Variants in SESTD1 observed in about 807,000 individuals in gnomAD.
SESTD1 encodes SEC14 domain and spectrin repeat-containing protein 1.
Under a neutral mutation model 101.7 loss-of-function variants are expected in SESTD1, and 43 were observed. That is an observed-to-expected ratio of 0.42 (90% CI 0.33 to 0.55). The LOEUF is 0.55. SESTD1 is among the 20% of genes least tolerant of loss of function. SESTD1 has a pLI of 0.07. For synonymous variants in SESTD1, 283 were observed against 286.8 expected, an observed-to-expected ratio of 0.99 and a Z score of 0.13; for missense variants, 647 against 815.1, an observed-to-expected ratio of 0.79 and a Z score of 2.51.
intron 9 of SESTD1, among the ~76,000 whole-genome samples, chr2:179,135,665 A>G (rs1280243150): frequency 6.6e-6 from 1 of 152,168 alleles, no homozygotes; most frequent in Non-Finnish European, 1.5e-5. Context: ...AGATTGGAGA[A>G]TCGTTTGAGC....
intron 1 of SESTD1, among the ~76,000 whole-genome samples, chr2:179,252,612 G>C (rs1289066009): frequency 6.6e-6 from 1 of 152,126 alleles, no homozygotes; most frequent in Non-Finnish European, 1.5e-5. Context: ...TGCTTGTCTT[G>C]CACTTCGAGG....
chr2:179,111,460 C>A (rs2044504388), intron 17 of SESTD1, among the ~76,000 whole-genome samples: 1 of 152,076 alleles, frequency 6.6e-6, no homozygotes, highest in Non-Finnish European at 1.5e-5. Context: ...TGTTACATGG[C>A]AGTTTTTAGA....
chr2:179,264,006 G>A (rs1328992312), intron 1 of SESTD1: 2 of 152,282 alleles, frequency 1.3e-5, no homozygotes, highest in Non-Finnish European at 1.5e-5. Flanking sequence ...GTCACACAAA[G>A]GAGCCAGTCG....
chr2:179,182,911 C>T (rs2046140779), intron 3 of SESTD1, among the ~76,000 whole-genome samples, 169 bp downstream of exon 3: 1 of 151,720 alleles, frequency 6.6e-6, no homozygotes, highest in Middle Eastern at 3.4e-3. Flanking sequence ...ATAAAATAAG[C>T]ATTTTATCTG....
chr2:179,120,227 CA>C (rs143045410), intron 13 of SESTD1, among the ~76,000 whole-genome samples: 6 of 144,106 alleles, frequency 4.2e-5, no homozygotes, highest in East Asian at 2.0e-4. Context: ...GACTCTGTTT[CA>C]AAAAAAAAAG....
chr2:179,229,626 G>A (rs564129136), intron 1 of SESTD1, among the ~76,000 whole-genome samples: 17 of 151,454 alleles, frequency 1.1e-4, no homozygotes, highest in Admixed American at 2.6e-4. Flanking sequence ...AAACAAGGAC[G>A]GCGGTAAAAA....
intron 9 of SESTD1, among the ~76,000 whole-genome samples, chr2:179,137,420 A>C (rs2045170840): frequency 1.3e-5 from 2 of 152,234 alleles, no homozygotes; most frequent in South Asian, 4.1e-4. Context: ...TACAGCCTCC[A>C]GCTGTATGCT....
chr2:179,124,055 A>G (rs1424525495), intron 11 of SESTD1, among the ~76,000 whole-genome samples: 1 of 152,178 alleles, frequency 6.6e-6, no homozygotes, highest in Non-Finnish European at 1.5e-5. Context: ...GCAGAATGCA[A>G]AAAAGTATTG....
intron 2 of SESTD1, among the ~76,000 whole-genome samples, chr2:179,184,847 T>C (rs1028194458): frequency 5.6e-4 from 71 of 126,548 alleles, no homozygotes; most frequent in African/African-American, 1.5e-3. Flanking sequence ...AAATTTAACA[T>C]TCAGGGCTAT....
chr2:179,161,595 G>A (rs943335946), intron 5 of SESTD1, among the ~76,000 whole-genome samples: 1 of 151,508 alleles, frequency 6.6e-6, no homozygotes, highest in African/African-American at 2.4e-5. Context: ...CCGGGAGGTG[G>A]AGGTTGCAGG....
intron 1 of SESTD1, among the ~76,000 whole-genome samples, chr2:179,221,648 T>C (rs888407601): frequency 6.8e-6 from 1 of 147,762 alleles, no homozygotes; most frequent in Non-Finnish European, 1.5e-5. Context: ...CCAGGCATGG[T>C]GGCTCATGCC....
intron 10 of SESTD1, among the ~76,000 whole-genome samples, chr2:179,130,703 G>T (rs1169000941): frequency 2.0e-5 from 3 of 151,900 alleles, no homozygotes; most frequent in Non-Finnish European, 4.4e-5. Context: ...AGAACTTTTG[G>T]AATACTTTCA....
intron 13 of SESTD1, among the ~76,000 whole-genome samples, chr2:179,120,992 G>GGAA (rs1393755816): frequency 2.0e-5 from 3 of 152,160 alleles, no homozygotes; most frequent in Non-Finnish European, 2.9e-5. Flanking sequence ...GAGCCTAAAT[G>GGAA]GAAGCTCAGC....
chr2:179,233,146 A>G (rs961047022), intron 1 of SESTD1, among the ~76,000 whole-genome samples: 12 of 152,234 alleles, frequency 7.9e-5, no homozygotes, highest in African/African-American at 2.9e-4. Context: ...AGGAAGACCT[A>G]ACCACCAAAG....
intron 9 of SESTD1, 34 bp from the exon 10 acceptor site, chr2:179,132,460 G>A: frequency 6.5e-7 from 1 of 1,536,788 alleles, no homozygotes; most frequent in Non-Finnish European, 8.7e-7. Context: ...ATTTTTTAAA[G>A]AATCAGAAAC....
chr2:179,263,675 C>G (rs1395572100), intron 1 of SESTD1, among the ~76,000 whole-genome samples: 2 of 152,180 alleles, frequency 1.3e-5, no homozygotes, highest in African/African-American at 4.8e-5. Flanking sequence ...ACCAAGAAAA[C>G]CACGGGGGCT....
intron 1 of SESTD1, among the ~76,000 whole-genome samples, chr2:179,238,825 C>G (rs1574059215): frequency 6.6e-6 from 1 of 152,016 alleles, no homozygotes; most frequent in Non-Finnish European, 1.5e-5. Context: ...TATTTTTTCT[C>G]TATGTTCTTT....
chr2:179,210,025 A>G (rs7606357), intron 1 of SESTD1, among the ~76,000 whole-genome samples: 17,269 of 132,928 alleles, frequency 0.13, 6,327 homozygotes, highest in African/African-American at 0.49. Context: ...AATGGGAGAT[A>G]TTATAACCGA....
chr2:179,253,009 T>C (rs1225808313), intron 1 of SESTD1, among the ~76,000 whole-genome samples: 1 of 152,086 alleles, frequency 6.6e-6, no homozygotes, highest in African/African-American at 2.4e-5. Flanking sequence ...AGTAAATGAA[T>C]TATAAAAGTC....
Sources: allele counts gnomAD v4.1 joint callset (sites outside exome capture counted in the v4.1 genomes callset), GRCh38; gene constraint gnomAD v4.1.1; transcripts MANE v1.5; gene names NCBI Gene and HGNC (gene_info 2026-07-23, HGNC 2026-07-21).